Variants in TC2N observed in about 807,000 individuals in gnomAD.
TC2N encodes the protein tandem C2 domains, nuclear.
In TC2N, 51 loss-of-function variants were observed where a neutral mutation model predicts 61.9. That is an observed-to-expected ratio of 0.82 (90% confidence interval 0.66 to 1.04). The LOEUF is 1.04. Ranked by LOEUF, TC2N falls within the 50% of genes least tolerant of loss-of-function variation. TC2N has a pLI of 0.00. For synonymous variants in TC2N, 204 were observed against 192.6 expected (o/e 1.06, Z -0.49); for missense variants, 556 against 566.7 (o/e 0.98, Z 0.19).
intron 1 of TC2N, among the ~76,000 whole-genome samples, chr14:91,825,026 CTTTTTTTTTTTTTT>C (rs5810554): frequency 1.6e-4 from 11 of 66,862 alleles, no homozygotes; most frequent in East Asian, 5.7e-4. Context: ...TTTTTCTTTT[CTTTTTTTTTTTTTT>C]TTTTTTTTTT....
chr14:91,844,219 A>G (rs967187452), intron 1 of TC2N, among the ~76,000 whole-genome samples: 16 of 152,164 alleles, frequency 1.1e-4, no homozygotes, highest in Non-Finnish European at 2.4e-4. Context: ...ACATCCCCCC[A>G]GGAAACAATT....
At chr14:91,799,826 G>T (rs1886130272) in intron 5 of TC2N, among the ~76,000 whole-genome samples, 1 of 151,942 alleles carries the variant, frequency 6.6e-6, no homozygotes, top group Non-Finnish European at 1.5e-5. Context: ...CAGTTTACTT[G>T]TAATAAAAAA....
chr14:91,865,815 C>T (rs1888688765), intron 1 of TC2N, among the ~76,000 whole-genome samples: 1 of 152,108 alleles, frequency 6.6e-6, no homozygotes, highest in African/African-American at 2.4e-5. Context: ...TGCTACTGCA[C>T]CTACCACATT....
chr14:91,859,414 C>T (rs933992100), intron 1 of TC2N, among the ~76,000 whole-genome samples: 3 of 152,100 alleles, frequency 2.0e-5, no homozygotes, highest in African/African-American at 4.8e-5. Context: ...CCTAAGCCTC[C>T]GTACCCGATC....
At chr14:91,803,177 G>A (rs1226081397) in intron 3 of TC2N, among the ~76,000 whole-genome samples, 1 of 151,800 alleles carries the variant, frequency 6.6e-6, no homozygotes, top group Non-Finnish European at 1.5e-5. Flanking sequence ...GATATCAACA[G>A]GGAAAAAATA....
chr14:91,822,283 A>G (rs1237774196), intron 1 of TC2N, among the ~76,000 whole-genome samples: 1 of 152,240 alleles, frequency 6.6e-6, no homozygotes, highest in Non-Finnish European at 1.5e-5. Context: ...TTAGAAAACA[A>G]ACTGTGGCTC....
chr14:91,813,708 T>C lies in TC2N; in HGVS notation c.62A>G (p.His21Arg). The change falls in exon 2 of 12, where the codon CAC becomes CGC. Residue 21 changes from histidine to arginine, a missense_variant. Transcript: ENST00000435962. Reference sequence around the variant, plus strand: ...GAAGTCAAAATAAAACTCACAGTTGTGTTTTTCTGTTTCACCATAGAAACA... The same window carrying C: ...GAAGTCAAAATAAAACTCACAGTTGCGTTTTTCTGTTTCACCATAGAAACA... The part of the protein sequence containing the change: ...GGCFYGETEK[H>R]NFSVERDFKA... 1 of 1,601,400 alleles carries C rather than the reference T, an allele frequency of 6.2e-7. No individual in the cohort carries two copies. Among genetic ancestry groups the C allele is most frequent in the Middle Eastern group, 1.7e-4 (1 of 6,018 alleles).
At chr14:91,812,624 T>C in intron 2 of TC2N, 79 bp from the exon 3 acceptor site, 1 of 693,636 alleles carries the variant, frequency 1.4e-6, no homozygotes. Context: ...TACTTTGATA[T>C]TTATTTAACC....
At position 91,782,103 on chromosome 14, in the gene TC2N, T is replaced by G. The variant is rs548222794; in HGVS notation, c.*997A>C. On this transcript the variant is annotated 3_prime_UTR_variant, in exon 12 of 12. Transcript: ENST00000435962. Reference sequence around the variant, plus strand: ...TTTTGGCCACAGTTCTTATGGTCAATTAAGCTGAAATTATTTCCAAATACT... The same window carrying G: ...TTTTGGCCACAGTTCTTATGGTCAAGTAAGCTGAAATTATTTCCAAATACT... 1 of 152,144 alleles carries G rather than the reference T, an allele frequency of 6.6e-6. No individual in the cohort carries two copies. The highest frequency in any genetic ancestry group is 1.5e-5 in the Non-Finnish European group (1 of 67,908). 9.4% of individuals were successfully genotyped at this position (152,144 alleles called of 1,614,324 possible).
chr14:91,784,342 A>G (rs555251591), intron 11 of TC2N, among the ~76,000 whole-genome samples: 1 of 152,312 alleles, frequency 6.6e-6, no homozygotes, highest in African/African-American at 2.4e-5. Flanking sequence ...GCTCTTTTCC[A>G]AATAATAAAT....
chr14:91,840,622 A>G (rs1888146114), intron 1 of TC2N, among the ~76,000 whole-genome samples: 1 of 152,176 alleles, frequency 6.6e-6, no homozygotes, highest in South Asian at 2.1e-4. Flanking sequence ...GGGCTTCAGG[A>G]GATCCAGTGT....
At chr14:91,840,863 G>A (rs1888151149) in intron 1 of TC2N, among the ~76,000 whole-genome samples, 1 of 151,850 alleles carries the variant, frequency 6.6e-6, no homozygotes, top group Non-Finnish European at 1.5e-5. Context: ...ATGGGATAAT[G>A]GGTGGTCACA....
At chr14:91,866,294 C>T (rs1012684629) in intron 1 of TC2N, 2 of 152,112 alleles carry the variant, frequency 1.3e-5, no homozygotes, top group South Asian at 4.2e-4. Context: ...AATAACACCC[C>T]AAGGGCCAAG....
intron 1 of TC2N, among the ~76,000 whole-genome samples, chr14:91,862,486 CT>C (rs1221830302): frequency 6.6e-6 from 1 of 152,132 alleles, no homozygotes; most frequent in Non-Finnish European, 1.5e-5. Context: ...GTTTGTTGGT[CT>C]TTGTTGAACC....
At chr14:91,807,634 T>C (rs6575219) in intron 3 of TC2N, among the ~76,000 whole-genome samples, 4,546 of 152,314 alleles carry the variant, frequency 0.03, 226 homozygotes, top group African/African-American at 0.1. Flanking sequence ...TATACTCCTA[T>C]TGTATCTAGG....
chr14:91,819,171 A>G (rs1239938535), intron 1 of TC2N, among the ~76,000 whole-genome samples: 2 of 152,138 alleles, frequency 1.3e-5, no homozygotes, highest in African/African-American at 4.8e-5. Context: ...AAGATTAAGA[A>G]TAGCAGCATA....
intron 1 of TC2N, among the ~76,000 whole-genome samples, chr14:91,816,941 C>A (rs2139870730): frequency 6.6e-6 from 1 of 151,938 alleles, no homozygotes; most frequent in South Asian, 2.1e-4. Context: ...TAACATGTAG[C>A]AAGACAAGTC....
intron 10 of TC2N, among the ~76,000 whole-genome samples, chr14:91,786,450 T>C (rs891044957): frequency 2.0e-5 from 3 of 152,204 alleles, no homozygotes; most frequent in African/African-American, 7.2e-5. Context: ...CAACAGAAAT[T>C]ACATGTTCCT....
intron 1 of TC2N, among the ~76,000 whole-genome samples, chr14:91,853,386 CATA>C (rs1220365741): frequency 6.6e-6 from 1 of 152,086 alleles, no homozygotes; most frequent in Non-Finnish European, 1.5e-5. Context: ...ATATACACAG[CATA>C]ATAATTGGCA....
Sources: gnomAD v4.1 joint callset for allele counts (sites outside exome capture counted in the v4.1 genomes callset) on GRCh38, gnomAD v4.1.1 for gene constraint, MANE v1.5 for transcripts, NCBI Gene and HGNC (gene_info 2026-07-23, HGNC 2026-07-21) for gene names.